The following NIPBL variants were observed in gnomAD, a reference collection of about 807,000 sequenced individuals.
The protein encoded by NIPBL is nipped-B-like protein.
In NIPBL, 19 loss-of-function variants were observed where a neutral mutation model predicts 321.8. That is an observed-to-expected ratio of 0.06 (90% confidence interval 0.04 to 0.09). The LOEUF (loss-of-function observed/expected upper bound fraction) is 0.09, where lower values mean the gene tolerates loss of function less well. Among genes scored for constraint, NIPBL ranks in the 10% least tolerant of loss-of-function variants. The pLI is 1.00. For synonymous variants in NIPBL, 1,106 were observed against 1,114.1 expected, an observed-to-expected ratio of 0.99 and a Z score of 0.14; for missense variants, 2,210 against 3,327.0, an observed-to-expected ratio of 0.66 and a Z score of 8.26.
chr5:36,998,122 A>G (rs1746360156), intron 11 of NIPBL, among the ~76,000 whole-genome samples: 1 of 152,090 alleles, frequency 6.6e-6, no homozygotes, highest in Non-Finnish European at 1.5e-5. Flanking sequence ...GAAAGAGAAG[A>G]TAGAGAACAC....
intron 1 of NIPBL, among the ~76,000 whole-genome samples, chr5:36,949,102 A>G (rs1186714965): frequency 6.6e-6 from 1 of 151,858 alleles, no homozygotes; most frequent in Non-Finnish European, 1.5e-5. Context: ...CTTTACACAT[A>G]TTATTTCATC....
chr5:37,027,628 T>TG (rs1348186122), intron 32 of NIPBL, among the ~76,000 whole-genome samples: 1 of 141,976 alleles, frequency 7.0e-6, no homozygotes, highest in African/African-American at 2.7e-5. Context: ...TTTTTTTTTT[T>TG]GAGGTGGAGT....
intron 45 of NIPBL, among the ~76,000 whole-genome samples, chr5:37,061,685 A>T (rs1182664515): frequency 6.6e-6 from 1 of 152,134 alleles, no homozygotes; most frequent in Non-Finnish European, 1.5e-5. Flanking sequence ...GTCTCAAAAA[A>T]ATTATTTAAA....
At chr5:36,930,318 T>C (rs1017576367) in intron 1 of NIPBL, among the ~76,000 whole-genome samples, 2 of 152,102 alleles carry the variant, frequency 1.3e-5, no homozygotes, top group African/African-American at 4.8e-5. Context: ...ATGGTCCTAG[T>C]TTGAATGGAA....
chr5:36,945,333 T>G (rs1034777987), intron 1 of NIPBL, among the ~76,000 whole-genome samples: 1 of 152,204 alleles, frequency 6.6e-6, no homozygotes, highest in Non-Finnish European at 1.5e-5. Context: ...TAAAGTTATG[T>G]GAAGTTTTAT....
intron 1 of NIPBL, among the ~76,000 whole-genome samples, chr5:36,944,194 AATT>A (rs1375870012): frequency 4.6e-5 from 7 of 152,072 alleles, no homozygotes; most frequent in African/African-American, 1.7e-4. Context: ...TGCTGATTGG[AATT>A]ATTCAATATG....
intron 6 of NIPBL, 45 bp downstream of exon 6, chr5:36,962,319 T>C (rs1372642126): frequency 6.2e-7 from 1 of 1,602,024 alleles, no homozygotes; most frequent in African/African-American, 1.3e-5. Context: ...CTAAGTGCTT[T>C]AATTCCAAGC....
chr5:36,896,639 G>A (rs1746761564), intron 1 of NIPBL, among the ~76,000 whole-genome samples: 1 of 152,026 alleles, frequency 6.6e-6, no homozygotes, highest in African/African-American at 2.4e-5. Context: ...TCGCTATATG[G>A]CCCAGGCTGG....
chr5:37,007,339 A>G lies in NIPBL; in HGVS notation c.4104A>G (p.Ser1368=). ...TCATTTTAGGAGGCTTATTAAGTTC[A>G]AAAGCAAAACGGGCTAAATGTTCTA... ...LDPHGGGLLS[S]KAKRAKCSTH... The change falls in exon 18 of 47, where the codon TCA becomes TCG. Residue 1368 remains serine (S), a synonymous_variant. Transcript: ENST00000282516. 1 of 1,612,126 alleles carries G rather than the reference A, an allele frequency of 6.2e-7. No individual in the cohort carries two copies. Among genetic ancestry groups the G allele is most frequent in the East Asian group, 2.2e-5 (1 of 44,674 alleles).
intron 1 of NIPBL, among the ~76,000 whole-genome samples, chr5:36,891,814 A>G (rs1580158477): frequency 6.6e-6 from 1 of 152,156 alleles, no homozygotes; most frequent in African/African-American, 2.4e-5. Flanking sequence ...TGAGGTCCTC[A>G]ATTAAGATGG....
At chr5:37,061,050 C>T (rs946370966) in intron 45 of NIPBL, 32 bp downstream of exon 45, 7 of 1,575,638 alleles carry the variant, frequency 4.4e-6, no homozygotes, top group Non-Finnish European at 5.2e-6. Flanking sequence ...TTTTACTTCT[C>T]ATAAGGGCTT....
chr5:36,951,980 G>A (rs1740344008), intron 1 of NIPBL, among the ~76,000 whole-genome samples: 1 of 146,634 alleles, frequency 6.8e-6, no homozygotes, highest in Non-Finnish European at 1.5e-5. Context: ...CCTTTTGGAT[G>A]ATGATTCTAT....
At chr5:37,058,112 C>G (rs549558584) in intron 43 of NIPBL, among the ~76,000 whole-genome samples, 12 of 152,332 alleles carry the variant, frequency 7.9e-5, no homozygotes, top group African/African-American at 2.9e-4. Flanking sequence ...ACACCAGCAG[C>G]AGTGGTTTCA....
intron 1 of NIPBL, chr5:36,886,474 G>C: frequency 1.3e-6 from 1 of 758,728 alleles, no homozygotes; most frequent in South Asian, 1.4e-5. Context: ...TGAGACCAGT[G>C]ACACCAAAGT....
rs980133722 is a variant in NIPBL at position 37,052,354 on chromosome 5, T to C, written c.7063-12T>C. The stretch of plus-strand genomic sequence containing the variant: ...ATTTCCCTGACAAAAATGAGACTTT[T>C]ATTGATTTCAGATGAAAGCAGTGGC... On this transcript the variant is annotated splice_polypyrimidine_tract_variant and intron_variant, in intron 41 of 46. Coordinates refer to ENST00000282516, the MANE Select transcript of NIPBL (RefSeq NM_133433.4). The C allele has an allele frequency of 5.0e-6, 8 of 1,610,162 alleles. No homozygotes were observed. Among genetic ancestry groups the C allele is most frequent in the Non-Finnish European group, 6.8e-6 (8 of 1,176,378 alleles).
intron 1 of NIPBL, among the ~76,000 whole-genome samples, chr5:36,893,762 C>T (rs116211987): frequency 0.02 from 3,025 of 151,878 alleles, 82 homozygotes; most frequent in African/African-American, 0.062. Context: ...GCAGAGTTAG[C>T]GAATTAGATT....
At chr5:37,002,126 CAA>C (rs1746882416) in intron 14 of NIPBL, among the ~76,000 whole-genome samples, 1 of 151,960 alleles carries the variant, frequency 6.6e-6, no homozygotes, top group Non-Finnish European at 1.5e-5. Context: ...AGCCTTAAAC[CAA>C]AAGAGTGAGG....
At chr5:37,045,919 C>T (rs953494389) in intron 37 of NIPBL, among the ~76,000 whole-genome samples, 190 bp from the exon 38 acceptor site, 5 of 152,098 alleles carry the variant, frequency 3.3e-5, no homozygotes, top group African/African-American at 7.2e-5. Context: ...ATTTACATTC[C>T]GAAACAAGCT....
Position 37,017,150 on chromosome 5 carries a change from C to T in NIPBL, c.4908C>T (p.Arg1636=). The change falls in exon 24 of 47, where the codon CGC becomes CGT. Residue 1636 remains arginine (R), a synonymous_variant. Transcript: ENST00000282516. ...AAATGGATCAAGGATCTATAGAACGCATTTTAAAACAGGTACTAAGATAAA... is the reference window on the plus strand; with the variant it reads ...AAATGGATCAAGGATCTATAGAACGTATTTTAAAACAGGTACTAAGATAAA... ...TSKMDQGSIE[R]ILKQVSGGED... is the part of the protein sequence containing the mutation. 6.2e-7 allele frequency: 1 copy of T among 1,610,164 alleles called. No homozygotes were observed. The highest frequency in any genetic ancestry group is 1.1e-5 in the South Asian group (1 of 90,840).
Sources: allele counts gnomAD v4.1 joint callset (sites outside exome capture counted in the v4.1 genomes callset), GRCh38; gene constraint gnomAD v4.1.1; transcripts MANE v1.5; gene names NCBI Gene and HGNC (gene_info 2026-07-23, HGNC 2026-07-21).